The following PTPRJ variants were observed in gnomAD, a reference collection of about 807,000 sequenced individuals.
The protein encoded by PTPRJ is protein tyrosine phosphatase receptor type J.
Under a neutral mutation model 141.3 loss-of-function variants are expected in PTPRJ, and 129 were observed. The ratio of observed to expected loss-of-function variants is 0.91; its 90% CI spans 0.79 to 1.06. The LOEUF (loss-of-function observed/expected upper bound fraction) is 1.06, where lower values mean the gene tolerates loss of function less well. Ranked by LOEUF, PTPRJ falls within the 50% of genes least tolerant of loss-of-function variation. PTPRJ has a pLI of 0.00. For synonymous variants in PTPRJ, 610 were observed against 640.5 expected (o/e 0.95, Z 0.72); for missense variants, 1,601 against 1,679.7 (o/e 0.95, Z 0.82).
At chr11:47,996,900 AGCTTCTATCCGGCCACAGAGTTTGGG>A (rs1368192134) in intron 1 of PTPRJ, among the ~76,000 whole-genome samples, 2 of 152,222 alleles carry the variant, frequency 1.3e-5, no homozygotes, top group East Asian at 3.9e-4. Context: ...TCAGACCCTC[AGCTTCTATCCGGCCACAGAGTTTGGG>A]ACCAGCCTTT....
intron 8 of PTPRJ, among the ~76,000 whole-genome samples, chr11:48,133,535 A>T (rs1857024725): frequency 6.6e-6 from 1 of 152,204 alleles, no homozygotes; most frequent in South Asian, 2.1e-4. Context: ...GGAAAAAGTC[A>T]GCTTAACAGC....
chr11:48,142,643 A>G (rs960387355), intron 11 of PTPRJ, among the ~76,000 whole-genome samples: 4 of 152,236 alleles, frequency 2.6e-5, no homozygotes, highest in African/African-American at 9.6e-5. Flanking sequence ...CAACAATAGC[A>G]AAACCAAACA....
At chr11:48,097,599 G>C (rs117988648) in intron 1 of PTPRJ, among the ~76,000 whole-genome samples, 4,650 of 151,628 alleles carry the variant, frequency 0.031, 106 homozygotes, top group Non-Finnish European at 0.046. Context: ...GTGTAGTGGC[G>C]TGATCTCAGC....
At chr11:48,092,462 C>T (rs538116216) in intron 1 of PTPRJ, among the ~76,000 whole-genome samples, 2 of 151,140 alleles carry the variant, frequency 1.3e-5, no homozygotes, top group Non-Finnish European at 2.9e-5. Context: ...CAGAGTCTTG[C>T]TCTGTTGCCC....
At chr11:48,153,741 T>C in intron 18 of PTPRJ, 55 bp from the exon 19 acceptor site, 1 of 1,204,636 alleles carries the variant, frequency 8.3e-7, no homozygotes, top group East Asian at 2.4e-5. Flanking sequence ...CTATGCTAAA[T>C]ATGAATAATA....
chr11:48,110,238 G>A (rs755486547), intron 2 of PTPRJ, among the ~76,000 whole-genome samples, 162 bp downstream of exon 2: 2 of 151,634 alleles, frequency 1.3e-5, no homozygotes, highest in East Asian at 1.9e-4. Context: ...TTGGAGCCTC[G>A]CTCTGTAGCC....
At chr11:48,023,355 G>A (rs1472181576) in intron 1 of PTPRJ, among the ~76,000 whole-genome samples, 1 of 151,988 alleles carries the variant, frequency 6.6e-6, no homozygotes, top group African/African-American at 2.4e-5. Context: ...TGACATGCAC[G>A]CCCCTTCATT....
chr11:48,095,797 T>C (rs886140432), intron 1 of PTPRJ, among the ~76,000 whole-genome samples: 3 of 152,192 alleles, frequency 2.0e-5, no homozygotes, highest in African/African-American at 7.2e-5. Flanking sequence ...GCCAGGCTGG[T>C]CTTGAACTCC....
chr11:48,118,482 A>G (rs193016498), intron 3 of PTPRJ, among the ~76,000 whole-genome samples: 35 of 152,356 alleles, frequency 2.3e-4, no homozygotes, highest in African/African-American at 8.4e-4. Flanking sequence ...CAAGAGCAGT[A>G]TTACCTTGAT....
rs151216133 is a variant in PTPRJ, at chr11:47,997,571, C to T, written c.96+16563C>T. On this transcript the variant is annotated intron_variant, in intron 1 of 24. Coordinates refer to ENST00000418331, the MANE Select transcript of PTPRJ (RefSeq NM_002843.4). ...AGTTCTTCCCTAGTGTTTTCAGCCT[C>T]GGCTTCCTCCTCTGTAAAATGGGAG... 1.8e-4 allele frequency among the ~76,000 whole-genome samples: 28 copies of T among 152,230 alleles called. No individual in the cohort carries two copies. In the East Asian group the frequency reaches 4.6e-3, roughly 25 times the overall value.
chr11:47,993,282 G>A (rs1439658969), intron 1 of PTPRJ, among the ~76,000 whole-genome samples: 2 of 152,014 alleles, frequency 1.3e-5, no homozygotes, highest in African/African-American at 4.8e-5. Context: ...TACTGCATTT[G>A]TAGTTTATTT....
At chr11:48,089,569 C>T (rs1855813222) in intron 1 of PTPRJ, among the ~76,000 whole-genome samples, 1 of 151,314 alleles carries the variant, frequency 6.6e-6, no homozygotes, top group Non-Finnish European at 1.5e-5. Context: ...ATAAATATTG[C>T]CTGTACCTAT....
chr11:48,155,710 C>T (rs1321239860), intron 19 of PTPRJ, 91 bp from the exon 20 acceptor site: 1 of 1,118,516 alleles, frequency 8.9e-7, no homozygotes, highest in Non-Finnish European at 1.3e-6. Context: ...CCAGTTTTGC[C>T]ATTTTGAATT....
intron 1 of PTPRJ, among the ~76,000 whole-genome samples, chr11:48,039,780 C>A (rs1489929864): frequency 6.7e-6 from 1 of 150,030 alleles, no homozygotes; most frequent in Non-Finnish European, 1.5e-5. Context: ...CCCAGTCTCC[C>A]TTTTGCCCTT....
At position 48,163,589 on chromosome 11, in the gene PTPRJ, T is replaced by G. The variant is rs905253741; in HGVS notation, c.3690T>G (p.Pro1230=). The change falls in exon 23 of 25, where the codon CCT becomes CCG. Residue 1230 remains proline (P), a synonymous_variant. Coordinates refer to ENST00000418331, the MANE Select transcript of PTPRJ (RefSeq NM_002843.4). ...TTCGTGACTACATGAAGCAGAGTCC[T>G]CCCGAATCGCCGATTCTGGTGCATT... The part of the protein sequence containing the change: ...YLVRDYMKQS[P]PESPILVHCS... 6.2e-7 allele frequency: 1 copy of G among 1,613,912 alleles called. No individual in the cohort carries two copies. The highest frequency in any genetic ancestry group is 8.5e-7 in the Non-Finnish European group (1 of 1,179,868).
At chr11:48,053,249 TA>T (rs1460552021) in intron 1 of PTPRJ, among the ~76,000 whole-genome samples, 13 of 83,340 alleles carry the variant, frequency 1.6e-4, no homozygotes, top group South Asian at 1.0e-3. Context: ...TATATTTATA[TA>T]ATATATATAA....
At chr11:48,049,618 G>A (rs1267168798) in intron 1 of PTPRJ, among the ~76,000 whole-genome samples, 2 of 151,090 alleles carry the variant, frequency 1.3e-5, no homozygotes, top group African/African-American at 4.9e-5. Flanking sequence ...GGAGGCTGAG[G>A]CAGGAGAATC....
intron 7 of PTPRJ, 143 bp from the exon 8 acceptor site, chr11:48,130,316 G>T: frequency 1.2e-6 from 1 of 824,958 alleles, no homozygotes; most frequent in Non-Finnish European, 1.8e-6. Flanking sequence ...AGGGGCTCAT[G>T]TTGTAGGTGA....
chr11:47,996,105 G>T (rs1282600517), intron 1 of PTPRJ, among the ~76,000 whole-genome samples: 1 of 151,960 alleles, frequency 6.6e-6, no homozygotes, highest in East Asian at 1.9e-4. Flanking sequence ...AGGCCAAGGC[G>T]GGTGGATCAC....
Sources: gnomAD v4.1 joint callset for allele counts (sites outside exome capture counted in the v4.1 genomes callset) on GRCh38, gnomAD v4.1.1 for gene constraint, MANE v1.5 for transcripts, NCBI Gene and HGNC (gene_info 2026-07-23, HGNC 2026-07-21) for gene names.